The following PTPRD variants were observed in gnomAD, a reference collection of about 807,000 sequenced individuals.
PTPRD encodes the protein protein tyrosine phosphatase receptor type D, also known as receptor-type tyrosine-protein phosphatase delta.
PTPRD carries 34 observed loss-of-function variants against 214.5 expected under a neutral mutation model. That is an observed-to-expected ratio of 0.16 (90% CI 0.12 to 0.21). The LOEUF (loss-of-function observed/expected upper bound fraction) is 0.21. Among genes scored for constraint, PTPRD ranks in the 10% least tolerant of loss-of-function variants. The pLI, the probability that PTPRD is intolerant of heterozygous loss-of-function variation, is 1.00. For missense variants in PTPRD, 2,545 were observed against 2,398.7 expected (o/e 1.06, Z -1.27); for synonymous variants, 1,128 against 845.7 (o/e 1.33, Z -5.79).
intron 5 of PTPRD, among the ~76,000 whole-genome samples, chr9:9,838,300 G>T (rs1391146590): frequency 1.3e-5 from 2 of 152,024 alleles, no homozygotes; most frequent in East Asian, 1.9e-4. Context: ...GGGATGGCTG[G>T]GTCAAATGGT....
At chr9:9,634,361 T>C (rs1344048641) in intron 7 of PTPRD, among the ~76,000 whole-genome samples, 1 of 152,154 alleles carries the variant, frequency 6.6e-6, no homozygotes, top group African/African-American at 2.4e-5. Context: ...GGGGAAGAAG[T>C]GGTCATTGTT....
chr9:10,358,854 T>C (rs118189631), intron 2 of PTPRD, among the ~76,000 whole-genome samples: 1,587 of 152,116 alleles, frequency 0.01, 14 homozygotes, highest in Middle Eastern at 0.027. Flanking sequence ...TTGTATTATG[T>C]TGTATATTGT....
At chr9:9,136,608 C>T (rs1287074012) in intron 10 of PTPRD, among the ~76,000 whole-genome samples, 1 of 152,106 alleles carries the variant, frequency 6.6e-6, no homozygotes, top group Non-Finnish European at 1.5e-5. Flanking sequence ...AATTAATTCT[C>T]TTTTAGTAAA....
In PTPRD at chr9:9,763,388, A is replaced by G. The variant is rs151264359; in HGVS notation, c.-326+3422T>C. 5.0e-3 allele frequency among the ~76,000 whole-genome samples: 756 copies of G among 152,290 alleles called. 8 individuals carry two copies. The highest frequency in any genetic ancestry group is 0.018 in the South Asian group (89 of 4,824). ...ACCCATCCATATGTATCTGTTTTAC[A>G]TACATAATATATATGTATTAAAGGG... is the stretch of plus-strand genomic sequence containing the variant. On this transcript the variant is annotated intron_variant, in intron 6 of 45. Transcript: ENST00000381196.
At chr9:8,380,738 T>A (rs1461502010) in intron 37 of PTPRD, among the ~76,000 whole-genome samples, 2 of 152,218 alleles carry the variant, frequency 1.3e-5, no homozygotes, top group Non-Finnish European at 2.9e-5. Flanking sequence ...CCATTAGGTC[T>A]GCTGAACATG....
chr9:10,479,652 A>AATAAATAAATAAATAAATAC (rs144587771), intron 2 of PTPRD, among the ~76,000 whole-genome samples: 2 of 124,096 alleles, frequency 1.6e-5, no homozygotes, highest in African/African-American at 6.2e-5. Context: ...TAAATAAATA[A>AATAAATAAATAAATAAATAC]ATAAATAAAC....
intron 5 of PTPRD, among the ~76,000 whole-genome samples, chr9:9,792,852 A>G (rs906041768): frequency 6.6e-6 from 1 of 152,164 alleles, no homozygotes; most frequent in Admixed American, 6.5e-5. Flanking sequence ...ATGAAATTTA[A>G]TGGTGTTTAT....
chr9:10,371,175 T>C (rs530514803), intron 2 of PTPRD, among the ~76,000 whole-genome samples: 66 of 152,056 alleles, frequency 4.3e-4, no homozygotes, highest in Middle Eastern at 3.4e-3. Context: ...TTGTAAAATT[T>C]TGAATGTTAG....
chr9:9,207,548 T>A, intron 9 of PTPRD, among the ~76,000 whole-genome samples: 1 of 152,184 alleles, frequency 6.6e-6, no homozygotes, highest in Non-Finnish European at 1.5e-5. Context: ...ACAATGCTGG[T>A]CGAGCTTTGT....
At chr9:10,533,181 G>T (rs2056885484) in intron 2 of PTPRD, among the ~76,000 whole-genome samples, 1 of 152,036 alleles carries the variant, frequency 6.6e-6, no homozygotes, top group African/African-American at 2.4e-5. Flanking sequence ...TCCAGGAGTG[G>T]AAGCAGCCTG....
chr9:10,580,559 T>C (rs1001153612), intron 2 of PTPRD, among the ~76,000 whole-genome samples: 1 of 152,184 alleles, frequency 6.6e-6, no homozygotes, highest in South Asian at 2.1e-4. Flanking sequence ...AGATATGGGA[T>C]TGAGTAGAAA....
intron 10 of PTPRD, among the ~76,000 whole-genome samples, chr9:9,137,302 AC>A (rs963368366): frequency 1.3e-5 from 2 of 152,152 alleles, no homozygotes; most frequent in African/African-American, 4.8e-5. Context: ...TTTGTTTTAA[AC>A]CAGGTGTGAC....
chr9:10,323,183 C>A (rs976712627), intron 3 of PTPRD, among the ~76,000 whole-genome samples: 25 of 148,704 alleles, frequency 1.7e-4, no homozygotes, highest in African/African-American at 5.7e-4. Flanking sequence ...TCTTTCTTTT[C>A]TTTTTCTTTC....
chr9:9,208,900 C>T (rs890657757), intron 9 of PTPRD, among the ~76,000 whole-genome samples: 23 of 151,966 alleles, frequency 1.5e-4, no homozygotes, highest in Admixed American at 2.0e-4. Flanking sequence ...CTCCACTTCC[C>T]GGGTTCACGC....
intron 10 of PTPRD, among the ~76,000 whole-genome samples, chr9:9,084,020 A>G (rs959083378): frequency 3.3e-5 from 5 of 152,314 alleles, no homozygotes; most frequent in African/African-American, 1.2e-4. Context: ...CTAGAACCAG[A>G]AATACCGTTT....
intron 31 of PTPRD, 111 bp from the exon 32 acceptor site, chr9:8,465,786 G>T: frequency 1.2e-6 from 1 of 857,092 alleles, no homozygotes; most frequent in South Asian, 1.8e-5. Flanking sequence ...AATGCAATTT[G>T]TTCACATTTC....
chr9:9,864,632 C>G (rs2063539787), intron 5 of PTPRD, among the ~76,000 whole-genome samples: 1 of 152,082 alleles, frequency 6.6e-6, no homozygotes, highest in African/African-American at 2.4e-5. Flanking sequence ...GATCCTCCTG[C>G]CTTAGCATCT....
chr9:9,875,355 G>C (rs140866375), intron 5 of PTPRD, among the ~76,000 whole-genome samples: 112 of 152,150 alleles, frequency 7.4e-4, no homozygotes, highest in African/African-American at 2.6e-3. Context: ...CTGGATGATA[G>C]AGTGAGACTC....
intron 34 of PTPRD, among the ~76,000 whole-genome samples, chr9:8,443,392 T>C (rs1342798318): frequency 6.6e-6 from 1 of 152,198 alleles, no homozygotes; most frequent in Non-Finnish European, 1.5e-5. Context: ...TATTAATAGA[T>C]CAGAAGAGAC....
Sources: allele counts gnomAD v4.1 joint callset (sites outside exome capture counted in the v4.1 genomes callset), GRCh38; gene constraint gnomAD v4.1.1; transcripts MANE v1.5; gene names NCBI Gene and HGNC (gene_info 2026-07-23, HGNC 2026-07-21).